Variants in SLCO3A1 observed in about 807,000 individuals in gnomAD.
The protein encoded by SLCO3A1 is solute carrier organic anion transporter family member 3A1.
SLCO3A1 carries 27 observed loss-of-function variants against 63.1 expected under a neutral mutation model. The observed-to-expected ratio is 0.43, with a 90% CI of 0.32 to 0.59. The LOEUF is 0.59. SLCO3A1 is among the 20% of genes least tolerant of loss of function. The pLI, the probability that SLCO3A1 is intolerant of heterozygous loss-of-function variation, is 0.09. For missense variants in SLCO3A1, 773 were observed against 945.8 expected (o/e 0.82, Z 2.40); for synonymous variants, 473 against 409.9 (o/e 1.15, Z -1.86).
At chr15:91,901,773 T>TA (rs1342325674) in intron 1 of SLCO3A1, among the ~76,000 whole-genome samples, 6 of 152,222 alleles carry the variant, frequency 3.9e-5, no homozygotes, top group Non-Finnish European at 8.8e-5. Flanking sequence ...GTCTTTGCCT[T>TA]TTAACAAACT....
chr15:91,856,030 G>C lies in SLCO3A1; in HGVS notation c.180+1942G>C, dbSNP rs1413731876. ...GGGCTGCAACTAGATGAATGGCCTAGCTCCTTTAGAAAGTTAAGAAGCCGA... is the reference window on the plus strand; with the variant it reads ...GGGCTGCAACTAGATGAATGGCCTACCTCCTTTAGAAAGTTAAGAAGCCGA... On this transcript the variant is annotated intron_variant, in intron 1 of 9. Coordinates refer to ENST00000318445, the MANE Select transcript of SLCO3A1 (RefSeq NM_013272.4). The surrounding 1 kb of genome is among the most constrained non-coding windows in gnomAD (Gnocchi z 4.9). Among the ~76,000 whole-genome samples the C allele has an allele frequency of 1.3e-5, 2 of 152,072 alleles. No individual in the cohort carries two copies. The highest frequency in any genetic ancestry group is 2.9e-5 in the Non-Finnish European group (2 of 68,016).
chr15:91,985,075 A>C (rs1478771847), intron 2 of SLCO3A1, among the ~76,000 whole-genome samples: 1 of 152,176 alleles, frequency 6.6e-6, no homozygotes, highest in East Asian at 1.9e-4. Flanking sequence ...AGATCAAGGG[A>C]TAGAACATTC....
At position 92,163,261 on chromosome 15, in the gene SLCO3A1, G is replaced by T; in HGVS notation, c.*126G>T. On this transcript the variant is annotated 3_prime_UTR_variant, in exon 10 of 10. Transcript: ENST00000318445. Reference sequence around the variant, plus strand: ...CACACAGGCACAGATGCACACACACGCAGACAGACACACCGACTTTGTCCT... The same window carrying T: ...CACACAGGCACAGATGCACACACACTCAGACAGACACACCGACTTTGTCCT... The T allele has an allele frequency of 7.3e-7, 1 of 1,365,964 alleles. No homozygotes were observed. The highest frequency in any genetic ancestry group is 2.8e-5 in the East Asian group (1 of 36,324). 84.6% of individuals were successfully genotyped at this position (1,365,964 alleles called of 1,614,324 possible). A position where few individuals can be genotyped will look rare whatever the true frequency, so the allele number is the denominator to read the frequency against.
rs1567196368 is a variant in SLCO3A1 at position 91,941,329 on chromosome 15, T to TG, written c.646+24872dup. 1 of 350,154 alleles carries TG rather than the reference T, an allele frequency of 2.9e-6. No individual in the cohort carries two copies. The highest frequency in any genetic ancestry group is 7.6e-5 in the East Asian group (1 of 13,240). 21.7% of individuals were successfully genotyped at this position (350,154 alleles called of 1,614,324 possible). ...GGGAGAGAGACACTGAATCAGTGCATGAGTGACCAGCTAGGACTGAGCCCA... is the reference window on the plus strand; with the variant it reads ...GGGAGAGAGACACTGAATCAGTGCATGGAGTGACCAGCTAGGACTGAGCCCA... On this transcript the variant is annotated intron_variant, in intron 2 of 9. Transcript: ENST00000318445. The surrounding 1 kb of genome is among the most constrained non-coding windows in gnomAD (Gnocchi z 4.4).
chr15:91,919,211 T>C (rs115201889), intron 2 of SLCO3A1, among the ~76,000 whole-genome samples: 17 of 152,340 alleles, frequency 1.1e-4, no homozygotes, highest in African/African-American at 4.1e-4. Flanking sequence ...AAGCATTCCA[T>C]CTTGAATCAA....
intron 2 of SLCO3A1, among the ~76,000 whole-genome samples, chr15:92,001,904 C>T (rs150772879): frequency 7.6e-6 from 1 of 132,358 alleles, no homozygotes; most frequent in Non-Finnish European, 1.5e-5. Flanking sequence ...GGCGTGATCT[C>T]TGCTGTGTGA....
chr15:91,863,612 C>T lies in SLCO3A1; in HGVS notation c.180+9524C>T, dbSNP rs1897098549. Reference sequence around the variant, plus strand: ...ATACATGCGTGGGGTGCACAGCACACCACACGGTCAAGTTCAGCTTTCCAA... The same window carrying T: ...ATACATGCGTGGGGTGCACAGCACATCACACGGTCAAGTTCAGCTTTCCAA... On this transcript the variant is annotated intron_variant, in intron 1 of 9. Coordinates refer to ENST00000318445, the MANE Select transcript of SLCO3A1 (RefSeq NM_013272.4). This position sits in a 1 kb window ranked among gnomAD's most constrained non-coding sequence, Gnocchi z 4.3. Among the ~76,000 whole-genome samples the T allele has an allele frequency of 6.6e-6, 1 of 152,186 alleles. No homozygotes were observed. Among genetic ancestry groups the T allele is most frequent in the African/African-American group, 2.4e-5 (1 of 41,434 alleles).
chr15:92,033,548 A>G lies in SLCO3A1; in HGVS notation c.647-61333A>G, dbSNP rs888866258. Among the ~76,000 whole-genome samples, 9 of 152,188 alleles carry G rather than the reference A, an allele frequency of 5.9e-5. No homozygotes were observed. Among genetic ancestry groups the G allele is most frequent in the African/African-American group, 2.2e-4 (9 of 41,444 alleles). ...AGGGTGACTTCCAGCTGGGACTGGCATGTGTTCGTTCAGCCCGAGCTTCCA... is the reference window on the plus strand; with the variant it reads ...AGGGTGACTTCCAGCTGGGACTGGCGTGTGTTCGTTCAGCCCGAGCTTCCA... On this transcript the variant is annotated intron_variant, in intron 2 of 9. Coordinates refer to ENST00000318445, the MANE Select transcript of SLCO3A1 (RefSeq NM_013272.4). This position sits in a 1 kb window ranked among gnomAD's most constrained non-coding sequence, Gnocchi z 4.5.
rs1055629819 is a variant in SLCO3A1, at chr15:91,897,066, C to T, written c.181-18927C>T. ...CCTCTAGAAAATGGAGATGATAATG[C>T]CATTTTAGCAGCTGGAAAGTTGTGA... is the stretch of plus-strand genomic sequence containing the variant. On this transcript the variant is annotated intron_variant, in intron 1 of 9. Coordinates refer to ENST00000318445, the MANE Select transcript of SLCO3A1 (RefSeq NM_013272.4). This position sits in a 1 kb window ranked among gnomAD's most constrained non-coding sequence, Gnocchi z 4.7. Among the ~76,000 whole-genome samples the T allele has an allele frequency of 6.6e-5, 10 of 152,230 alleles. No individual in the cohort carries two copies. The highest frequency in any genetic ancestry group is 1.9e-4 in the African/African-American group (8 of 41,540).
At chr15:91,921,234 C>T (rs1898833896) in intron 2 of SLCO3A1, among the ~76,000 whole-genome samples, 1 of 152,240 alleles carries the variant, frequency 6.6e-6, no homozygotes, top group Non-Finnish European at 1.5e-5. Flanking sequence ...TCCCTGGTCT[C>T]TCTGTGTATC....
At chr15:91,962,471 C>G (rs903835589) in intron 2 of SLCO3A1, among the ~76,000 whole-genome samples, 1 of 96,826 alleles carries the variant, frequency 1.0e-5, no homozygotes, top group African/African-American at 4.2e-5. Flanking sequence ...AAGAGCGAAA[C>G]TCCGTCTCAA....
At chr15:91,880,995 G>A (rs562238602) in intron 1 of SLCO3A1, among the ~76,000 whole-genome samples, 1 of 152,300 alleles carries the variant, frequency 6.6e-6, no homozygotes, top group South Asian at 2.1e-4. Context: ...GGCTAGCCAG[G>A]CGATATGTCT....
chr15:92,163,200 A>G lies in SLCO3A1; in HGVS notation c.*65A>G, dbSNP rs2048462413. 1 of 1,440,562 alleles carries G rather than the reference A, an allele frequency of 6.9e-7. No homozygotes were observed. The highest frequency in any genetic ancestry group is 2.6e-5 in the Admixed American group (1 of 37,832). 89.2% of individuals were successfully genotyped at this position (1,440,562 alleles called of 1,614,324 possible). A position where few individuals can be genotyped will look rare whatever the true frequency, so the allele number is the denominator to read the frequency against. On this transcript the variant is annotated 3_prime_UTR_variant, in exon 10 of 10. Transcript: ENST00000318445. ...GGTCATTTTTTTCTTAAAAAAAGAA[A>G]AAAAGGTTCCAAAAAAAACCAAAAC...
chr15:91,948,277 G>C lies in SLCO3A1; in HGVS notation c.646+31819G>C, dbSNP rs1899879357. ...ACAACCAGCTGGTCCCTCCACAGTG[G>C]GCTCAAATGTGACCCTGCGTAGTGC... On this transcript the variant is annotated intron_variant, in intron 2 of 9. Transcript: ENST00000318445. The surrounding 1 kb of genome is among the most constrained non-coding windows in gnomAD (Gnocchi z 4.8). Among the ~76,000 whole-genome samples, 1 of 152,230 alleles carries C rather than the reference G, an allele frequency of 6.6e-6. No individual in the cohort carries two copies. Among genetic ancestry groups the C allele is most frequent in the East Asian group, 1.9e-4 (1 of 5,166 alleles).
intron 1 of SLCO3A1, among the ~76,000 whole-genome samples, chr15:91,861,407 G>T (rs1373879081): frequency 6.6e-6 from 1 of 152,158 alleles, no homozygotes; most frequent in African/African-American, 2.4e-5. Flanking sequence ...GAGTGCCTCT[G>T]AAAAGGGAAG....
intron 2 of SLCO3A1, among the ~76,000 whole-genome samples, chr15:92,006,870 T>G (rs950277584): frequency 6.6e-6 from 1 of 152,204 alleles, no homozygotes; most frequent in African/African-American, 2.4e-5. Flanking sequence ...CCCAAATGTA[T>G]CCTTTTAGCA....
chr15:92,164,475 C>T lies in SLCO3A1; in HGVS notation c.*1340C>T. The T allele has an allele frequency of 1.0e-6, 1 of 985,426 alleles. No homozygotes were observed. The highest frequency in any genetic ancestry group is 1.2e-6 in the Non-Finnish European group (1 of 829,934). 61.0% of individuals were successfully genotyped at this position (985,426 alleles called of 1,614,324 possible). ...CACGGGAAACCCTTTTATATTCATG[C>T]TTGACATTCCAAGAGGCGTTCTTTT... On this transcript the variant is annotated 3_prime_UTR_variant, in exon 10 of 10. Transcript: ENST00000318445.
intron 2 of SLCO3A1, among the ~76,000 whole-genome samples, chr15:91,931,827 A>ACACACACT (rs1899246846): frequency 6.6e-6 from 1 of 151,664 alleles, no homozygotes; most frequent in South Asian, 2.1e-4. Flanking sequence ...ACACACTCAC[A>ACACACACT]CAGGAGTAGA....
chr15:91,949,016 C>G (rs922106876), intron 2 of SLCO3A1, among the ~76,000 whole-genome samples: 2 of 152,052 alleles, frequency 1.3e-5, no homozygotes, highest in East Asian at 3.9e-4. Context: ...CTTCCCTGCC[C>G]TCTGGCAGAT....
Sources: allele counts gnomAD v4.1 joint callset (sites outside exome capture counted in the v4.1 genomes callset), GRCh38; gene constraint gnomAD v4.1.1; non-coding constraint Gnocchi (gnomAD v3.1); transcripts MANE v1.5; gene names NCBI Gene and HGNC (gene_info 2026-07-23, HGNC 2026-07-21).